Variants in DOCK1 observed in about 807,000 individuals in gnomAD.
The protein encoded by DOCK1 is dedicator of cytokinesis protein 1.
Under a neutral mutation model 262.7 loss-of-function variants are expected in DOCK1, and 138 were observed. The observed-to-expected ratio is 0.53, with a 90% CI of 0.46 to 0.61. The LOEUF is 0.61. Among genes scored for constraint, DOCK1 ranks in the 20% least tolerant of loss-of-function variants. The pLI is 0.00. For synonymous variants in DOCK1, 866 were observed against 867.4 expected (o/e 1.00, Z 0.03); for missense variants, 1,908 against 2,370.7 (o/e 0.80, Z 4.05).
At chr10:127,390,663 C>T (rs1248800197) in intron 38 of DOCK1, among the ~76,000 whole-genome samples, 1 of 152,068 alleles carries the variant, frequency 6.6e-6, no homozygotes, top group Non-Finnish European at 1.5e-5. Context: ...ATCGCAGAAT[C>T]CTGGCCTCCA....
chr10:127,336,689 G>GC (rs1425444062), intron 29 of DOCK1, among the ~76,000 whole-genome samples: 1 of 151,916 alleles, frequency 6.6e-6, no homozygotes, highest in Non-Finnish European at 1.5e-5. Context: ...GCAGGTGCCC[G>GC]CCACCACACC....
intron 39 of DOCK1, among the ~76,000 whole-genome samples, chr10:127,403,749 A>G (rs901605499): frequency 6.6e-6 from 1 of 152,196 alleles, no homozygotes; most frequent in Non-Finnish European, 1.5e-5. Flanking sequence ...ACAGAGTGAG[A>G]GTCCGTCTCA....
intron 38 of DOCK1, among the ~76,000 whole-genome samples, chr10:127,391,260 A>C (rs1021321277): frequency 2.0e-5 from 3 of 152,162 alleles, no homozygotes; most frequent in Non-Finnish European, 2.9e-5. Context: ...TAGTGGTGAA[A>C]CAGCTGTCAA....
chr10:127,307,660 A>T (rs909476801), intron 29 of DOCK1, among the ~76,000 whole-genome samples: 1 of 152,168 alleles, frequency 6.6e-6, no homozygotes, highest in Non-Finnish European at 1.5e-5. Flanking sequence ...GCTTCGCCTC[A>T]TGAAACCCCG....
At chr10:126,959,999 G>T (rs878857704) in intron 1 of DOCK1, among the ~76,000 whole-genome samples, 22,923 of 152,008 alleles carry the variant, frequency 0.15, 2,362 homozygotes, top group East Asian at 0.55. Flanking sequence ...GTAGAGATGG[G>T]GTTTCACCAT....
Position 127,175,445 on chromosome 10 carries a change from T to C in DOCK1, c.2847+47681T>C. On this transcript the variant is annotated intron_variant, in intron 27 of 51. Coordinates refer to ENST00000623213, the MANE Select transcript of DOCK1 (RefSeq NM_001290223.2). The surrounding 1 kb of genome is among the most constrained non-coding windows in gnomAD (Gnocchi z 6.3). ...GAGTCTGCGACGGCTGCTCACTACA[T>C]TCGGGGGACAGGCACTGCATCGGGG... 6.2e-7 allele frequency: 1 copy of C among 1,612,116 alleles called. No individual in the cohort carries two copies. Among genetic ancestry groups the C allele is most frequent in the Non-Finnish European group, 8.5e-7 (1 of 1,180,012 alleles).
chr10:127,248,014 T>A lies in DOCK1; in HGVS notation c.2854T>A (p.Phe952Ile). ...MGRDSELIGN[F>I]VACMTAILRQ... Reference sequence around the variant, plus strand: ...TCTTTTGATTCATTTACAGGGAAACTTCGTGGCTTGCATGACAGCTATTTT... The same window carrying A: ...TCTTTTGATTCATTTACAGGGAAACATCGTGGCTTGCATGACAGCTATTTT... Residue 952 changes from phenylalanine (F) to isoleucine (I), a missense_variant, in exon 28 of 52, where the codon TTC (phenylalanine) becomes ATC (isoleucine). Coordinates refer to ENST00000623213, the MANE Select transcript of DOCK1 (RefSeq NM_001290223.2). 1.2e-6 allele frequency: 2 copies of A among 1,613,916 alleles called. No individual in the cohort carries two copies. The highest frequency in any genetic ancestry group is 1.7e-6 in the Non-Finnish European group (2 of 1,179,860).
chr10:127,246,991 G>C (rs2059451876), intron 27 of DOCK1, among the ~76,000 whole-genome samples: 1 of 152,148 alleles, frequency 6.6e-6, no homozygotes. Flanking sequence ...ATTAACTTAG[G>C]GGGCAATATT....
At chr10:127,136,048 C>A (rs2050664380) in intron 27 of DOCK1, 1 of 152,568 alleles carries the variant, frequency 6.6e-6, no homozygotes, top group African/African-American at 2.4e-5. Flanking sequence ...TTCTCAGTTC[C>A]TTTTATTGAT....
intron 44 of DOCK1, among the ~76,000 whole-genome samples, chr10:127,417,651 C>T (rs1008107832): frequency 6.6e-6 from 1 of 152,202 alleles, no homozygotes; most frequent in Non-Finnish European, 1.5e-5. Context: ...TCTCGGCTCA[C>T]TGCAACCCCT....
chr10:127,092,367 G>C (rs1276473517), intron 23 of DOCK1, among the ~76,000 whole-genome samples: 7 of 152,196 alleles, frequency 4.6e-5, no homozygotes, highest in Non-Finnish European at 8.8e-5. Context: ...CAGCCTCCCT[G>C]TGTGCCCACC....
intron 27 of DOCK1, among the ~76,000 whole-genome samples, chr10:127,245,324 C>A (rs2059396108): frequency 6.6e-6 from 1 of 152,244 alleles, no homozygotes; most frequent in African/African-American, 2.4e-5. Flanking sequence ...CTGAACGATG[C>A]ACATGACTTC....
At chr10:127,038,956 T>G (rs1159702553) in intron 19 of DOCK1, among the ~76,000 whole-genome samples, 1 of 152,206 alleles carries the variant, frequency 6.6e-6, no homozygotes, top group Non-Finnish European at 1.5e-5. Context: ...TGTGGCGTTC[T>G]ATAAGCATAG....
intron 38 of DOCK1, among the ~76,000 whole-genome samples, chr10:127,386,119 C>T (rs7079123): frequency 0.75 from 114,757 of 152,120 alleles, 43,479 homozygotes; most frequent in African/African-American, 0.84. Context: ...AACAATGACT[C>T]GACAGAGTCC....
rs1328859274 is a variant in DOCK1, at chr10:127,418,434, G to A, written c.4585G>A (p.Val1529Met). The stretch of plus-strand genomic sequence containing the variant: ...GACGAACGACAAGATCAACAGCATG[G>A]TGCAGCAGCACCTGGATGACCCCAG... ...QLTNDKINSM[V>M]QQHLDDPSLP... is the part of the protein sequence containing the mutation. The change falls in exon 45 of 52, where the codon GTG becomes ATG. Residue 1529 changes from valine (V) to methionine (M), a missense_variant. By Grantham distance (21) the Val-to-Met change is conservative. Around this residue, in one of 9 missense-constraint regions of DOCK1, gnomAD observed 57 missense variants for 103.1 expected, o/e 0.55. Coordinates refer to ENST00000623213, the MANE Select transcript of DOCK1 (RefSeq NM_001290223.2). 11 of 1,613,822 alleles carry A rather than the reference G, an allele frequency of 6.8e-6. No individual in the cohort carries two copies. Among genetic ancestry groups the A allele is most frequent in the Non-Finnish European group, 8.5e-6 (10 of 1,179,970 alleles).
Position 127,061,786 on chromosome 10 carries a change from G to A in DOCK1, c.2445+10G>A, listed in dbSNP as rs904672115. ...GACCGTCCGGGTGAAGGTGAGTGCCGGCCACTGCCAAGGCAGACTTCTCCT... is the reference window on the plus strand; with the variant it reads ...GACCGTCCGGGTGAAGGTGAGTGCCAGCCACTGCCAAGGCAGACTTCTCCT... On this transcript the variant is annotated intron_variant, in intron 23 of 51. Coordinates refer to ENST00000623213, the MANE Select transcript of DOCK1 (RefSeq NM_001290223.2). 2.9e-5 allele frequency: 45 copies of A among 1,569,700 alleles called. No homozygotes were observed. The highest frequency in any genetic ancestry group is 1.7e-4 in the Middle Eastern group (1 of 5,898).
intron 37 of DOCK1, 114 bp from the exon 38 acceptor site, chr10:127,384,674 GCC>G: frequency 1.6e-6 from 2 of 1,259,606 alleles, no homozygotes; most frequent in Non-Finnish European, 2.1e-6. Flanking sequence ...GTTGACAGCA[GCC>G]ACACATGTCT....
intron 33 of DOCK1, among the ~76,000 whole-genome samples, chr10:127,367,774 A>G (rs11017619): frequency 0.038 from 5,727 of 152,264 alleles, 442 homozygotes; most frequent in East Asian, 0.29. Flanking sequence ...TGGACGCTGC[A>G]TGACGCTCTT....
At chr10:127,279,043 A>G (rs1455410984) in intron 29 of DOCK1, among the ~76,000 whole-genome samples, 3 of 152,214 alleles carry the variant, frequency 2.0e-5, no homozygotes, top group Non-Finnish European at 4.4e-5. Context: ...TAATTGACAA[A>G]TTCTGTTGTT....
Sources: allele counts gnomAD v4.1 joint callset (sites outside exome capture counted in the v4.1 genomes callset), GRCh38; gene constraint gnomAD v4.1.1; regional missense constraint gnomAD v4.1.1; non-coding constraint Gnocchi (gnomAD v3.1); transcripts MANE v1.5; gene names NCBI Gene and HGNC (gene_info 2026-07-23, HGNC 2026-07-21).